Variants in TMEM120B observed in about 807,000 individuals in gnomAD.
The protein encoded by TMEM120B is transmembrane protein 120B.
A neutral mutation model predicts 55.5 loss-of-function variants in TMEM120B; 31 were observed. The ratio of observed to expected loss-of-function variants is 0.56; its 90% CI spans 0.42 to 0.75. The LOEUF is 0.75. Ranked by LOEUF, TMEM120B falls within the 30% of genes least tolerant of loss-of-function variation. The pLI, the probability that TMEM120B is intolerant of heterozygous loss-of-function variation, is 0.00. For synonymous variants in TMEM120B, 203 were observed against 176.3 expected (o/e 1.15, Z -1.20); for missense variants, 399 against 425.5 (o/e 0.94, Z 0.55).
intron 6 of TMEM120B, among the ~76,000 whole-genome samples, chr12:121,767,981 G>A (rs1466408565): frequency 1.3e-5 from 2 of 152,200 alleles, no homozygotes; most frequent in African/African-American, 2.4e-5. Context: ...GAGGGCTGAC[G>A]TGGCTCTGCA....
rs540041741 is a variant in TMEM120B at position 121,773,619 on chromosome 12, C to T, written c.772+106C>T. 7.6e-4 allele frequency: 626 copies of T among 824,608 alleles called. 13 individuals are homozygous for T. The South Asian group carries it at 0.012, about 15-fold the overall frequency. The allele number at this position is 824,608 out of a possible 1,614,324, so 51.1% of individuals were successfully genotyped here. A position where few individuals can be genotyped will look rare whatever the true frequency, so the allele number is the denominator to read the frequency against. On this transcript the variant is annotated intron_variant, in intron 9 of 11. Transcript: ENST00000449592. ...CACCTCCCATACAGCGGAGCCAGGC[C>T]GCTGCCCTTTATCCGAAGCGCCTTC...
intron 5 of TMEM120B, among the ~76,000 whole-genome samples, chr12:121,754,857 G>A (rs971778971): frequency 2.6e-5 from 4 of 152,296 alleles, no homozygotes; most frequent in African/African-American, 7.2e-5. Flanking sequence ...GGGATTGGAC[G>A]GGCCGTTCAT....
chr12:121,776,204 C>A lies in TMEM120B; in HGVS notation c.*482C>A. On this transcript the variant is annotated 3_prime_UTR_variant, in exon 12 of 12. Transcript: ENST00000449592. ...CTCTGCTTCTGCTGTGAGCCCCCTC[C>A]TCGCCCACCCCGCCACGTGGTGAGG... 1 of 292,820 alleles carries A rather than the reference C, an allele frequency of 3.4e-6. No homozygotes were observed. Among genetic ancestry groups the A allele is most frequent in the Non-Finnish European group, 6.3e-6 (1 of 159,050 alleles). The allele number at this position is 292,820 out of a possible 1,614,324, so 18.1% of individuals were successfully genotyped here. A position where few individuals can be genotyped will look rare whatever the true frequency, so the allele number is the denominator to read the frequency against.
intron 1 of TMEM120B, among the ~76,000 whole-genome samples, chr12:121,719,026 C>A (rs749007867): frequency 3.3e-5 from 5 of 152,096 alleles, no homozygotes; most frequent in Non-Finnish European, 7.4e-5. Flanking sequence ...CATCCTTTCC[C>A]CCTGTGGTTT....
Position 121,764,653 on chromosome 12 carries a change from C to CA in TMEM120B, c.551+2927dup, listed in dbSNP as rs796148450. 3.9e-3 allele frequency among the ~76,000 whole-genome samples: 546 copies of CA among 141,384 alleles called. 4 individuals are homozygous for CA. Among genetic ancestry groups the CA allele is most frequent in the East Asian group, 0.036 (177 of 4,958 alleles). 92.8% of individuals were successfully genotyped at this position (141,384 alleles called of 152,430 possible). A position where few individuals can be genotyped will look rare whatever the true frequency, so the allele number is the denominator to read the frequency against. On this transcript the variant is annotated intron_variant, in intron 6 of 11. Transcript: ENST00000449592. The stretch of plus-strand genomic sequence containing the variant: ...AGCCTAGGCAAGTGAGACCCTGACT[C>CA]AAAAAAAAAAAAGTGCTCTGGGGCA...
chr12:121,771,498 C>T lies in TMEM120B; in HGVS notation c.628C>T (p.Pro210Ser). ...SGVMLTWPNG[P>S]IYQKFRNQFL... ...CTACCTTCTCTCCAGGCCTAATGGA[C>T]CCATTTATCAGAAGTTTCGCAACCA... Residue 210 changes from proline (P) to serine (S), a missense_variant, in exon 8 of 12, where the codon CCC becomes TCC. By Grantham distance (74) the Pro-to-Ser change is moderately conservative. This residue lies in a region of TMEM120B where 260 missense variants were observed against 303.9 expected (regional missense o/e 0.86). Transcript: ENST00000449592. 1 of 1,613,994 alleles carries T rather than the reference C, an allele frequency of 6.2e-7. No individual in the cohort carries two copies.
chr12:121,766,592 G>A (rs1250375680), intron 6 of TMEM120B, among the ~76,000 whole-genome samples: 1 of 152,168 alleles, frequency 6.6e-6, no homozygotes, highest in Non-Finnish European at 1.5e-5. Flanking sequence ...GTGACCTACT[G>A]ATCTCTGAGA....
chr12:121,746,818 C>T (rs12814021), intron 2 of TMEM120B, among the ~76,000 whole-genome samples: 68,354 of 151,534 alleles, frequency 0.45, 16,766 homozygotes, highest in Middle Eastern at 0.62. Flanking sequence ...ATTAGCTGGG[C>T]GTGGTGGCAG....
chr12:121,775,390 G>T lies in TMEM120B; in HGVS notation c.907-219G>T. 1 of 976,636 alleles carries T rather than the reference G, an allele frequency of 1.0e-6. No homozygotes were observed. Among genetic ancestry groups the T allele is most frequent in the Non-Finnish European group, 1.2e-6 (1 of 822,052 alleles). 60.5% of individuals were successfully genotyped at this position (976,636 alleles called of 1,614,324 possible). ...CTAGGGGTGGAGCCTCTCCCAATCT[G>T]TGGATCCCAAGGAGGTTCGCCCCAT... On this transcript the variant is annotated intron_variant, in intron 11 of 11. Coordinates refer to ENST00000449592, the MANE Select transcript of TMEM120B (RefSeq NM_001080825.2). The surrounding 1 kb of genome is among the most constrained non-coding windows in gnomAD (Gnocchi z 4.3).
intron 3 of TMEM120B, 66 bp downstream of exon 3, chr12:121,748,508 T>C (rs1592937029): frequency 1.8e-6 from 2 of 1,100,144 alleles, no homozygotes; most frequent in South Asian, 1.5e-5. Context: ...AGCTGGTCCA[T>C]ATAACTCTCG....
intron 1 of TMEM120B, among the ~76,000 whole-genome samples, chr12:121,715,865 C>G (rs992943461): frequency 1.3e-5 from 2 of 151,700 alleles, no homozygotes; most frequent in Admixed American, 1.3e-4. Context: ...TATTGGTAGG[C>G]CCCTCTCTGC....
At chr12:121,728,018 T>TA (rs1246343592) in intron 1 of TMEM120B, among the ~76,000 whole-genome samples, 2 of 151,964 alleles carry the variant, frequency 1.3e-5, no homozygotes, top group Non-Finnish European at 2.9e-5. Context: ...ACTTTTCTTT[T>TA]TCCCCCTAAG....
At chr12:121,758,130 C>G in intron 5 of TMEM120B, 1 of 982,606 alleles carries the variant, frequency 1.0e-6, no homozygotes. Flanking sequence ...AAAGACAGAG[C>G]CTTTGTCAGT....
intron 1 of TMEM120B, among the ~76,000 whole-genome samples, chr12:121,717,748 T>C (rs1210311105): frequency 1.3e-5 from 2 of 152,096 alleles, no homozygotes; most frequent in African/African-American, 4.8e-5. Context: ...ACCTCCGCCT[T>C]CCAGGTTCAA....
chr12:121,780,055 C>T lies in TMEM120B; in HGVS notation c.*4333C>T, dbSNP rs575975757. ...GTACCATTTAGGCAAATTAATTTGC[C>T]CTTTTATTTATTTATTTTTGAGATG... On this transcript the variant is annotated 3_prime_UTR_variant, in exon 12 of 12. Coordinates refer to ENST00000449592, the MANE Select transcript of TMEM120B (RefSeq NM_001080825.2). 3 of 173,166 alleles carry T rather than the reference C, an allele frequency of 1.7e-5. No individual in the cohort carries two copies. The South Asian group carries it at 4.9e-4, about 28-fold the overall frequency. The allele number at this position is 173,166 out of a possible 1,614,324, so 10.7% of individuals were successfully genotyped here. A position where few individuals can be genotyped will look rare whatever the true frequency, so the allele number is the denominator to read the frequency against.
intron 1 of TMEM120B, among the ~76,000 whole-genome samples, chr12:121,722,534 C>G (rs1894814226): frequency 6.6e-6 from 1 of 152,042 alleles, no homozygotes; most frequent in Non-Finnish European, 1.5e-5. Flanking sequence ...CACTGAGCAC[C>G]CAGAGAGAGG....
intron 1 of TMEM120B, among the ~76,000 whole-genome samples, chr12:121,713,173 C>T (rs1894632880): frequency 6.6e-6 from 1 of 152,066 alleles, no homozygotes; most frequent in South Asian, 2.1e-4. Flanking sequence ...GGTCGCAGCC[C>T]CCTCTTCCGC....
In TMEM120B at chr12:121,773,940, AACTCTGCTATCTTTTTT is replaced by A. The variant is rs1348755010; in HGVS notation, c.772+428_772+444del. On this transcript the variant is annotated intron_variant, in intron 9 of 11. Transcript: ENST00000449592. ...TTTCAGGGGAAACTGTTTTTAATACAACTCTGCTATCTTTTTTTTTTTTTTTTTTTTTTTTGAGACGG... is the reference window on the plus strand; with the variant it reads ...TTTCAGGGGAAACTGTTTTTAATACATTTTTTTTTTTTTTTTTTGAGACGG... 2.5e-3 allele frequency among the ~76,000 whole-genome samples: 373 copies of A among 150,074 alleles called. 1 individual carries two copies. The highest frequency in any genetic ancestry group is 8.7e-3 in the African/African-American group (354 of 40,684).
At position 121,779,499 on chromosome 12, in the gene TMEM120B, C is replaced by T. The variant is rs1350882191; in HGVS notation, c.*3777C>T. 3 of 1,611,320 alleles carry T rather than the reference C, an allele frequency of 1.9e-6. No homozygotes were observed. The highest frequency in any genetic ancestry group is 2.7e-5 in the African/African-American group (2 of 74,940). ...GTCGTGAGGTCTGTCTGCCCTGGGT[C>T]AGAGCAGCAGGCAGAGCCGGCGCTT... On this transcript the variant is annotated 3_prime_UTR_variant, in exon 12 of 12. Coordinates refer to ENST00000449592, the MANE Select transcript of TMEM120B (RefSeq NM_001080825.2).
Sources: gnomAD v4.1 joint callset for allele counts (sites outside exome capture counted in the v4.1 genomes callset) on GRCh38, gnomAD v4.1.1 for gene constraint, gnomAD v4.1.1 regional missense constraint, Gnocchi (gnomAD v3.1) non-coding constraint, MANE v1.5 for transcripts, NCBI Gene and HGNC (gene_info 2026-07-23, HGNC 2026-07-21) for gene names.